RBKS: variants seen among roughly 807,000 people sequenced by gnomAD.
RBKS encodes ribokinase.
Under a neutral mutation model 33.9 loss-of-function variants are expected in RBKS, and 33 were observed. That is an observed-to-expected ratio of 0.97 (90% CI 0.74 to 1.30). The LOEUF is 1.30. Among genes scored for constraint, RBKS ranks in the 50% most tolerant of loss-of-function variants. The pLI, the probability that RBKS is intolerant of heterozygous loss-of-function variation, is 0.00. For synonymous variants in RBKS, 125 were observed against 143.0 expected, an observed-to-expected ratio of 0.87 and a Z score of 0.90; for missense variants, 361 against 392.6, an observed-to-expected ratio of 0.92 and a Z score of 0.68.
At chr2:27,802,882 T>C (rs1232353848) in intron 7 of RBKS, among the ~76,000 whole-genome samples, 2 of 152,202 alleles carry the variant, frequency 1.3e-5, no homozygotes, top group South Asian at 2.1e-4. Context: ...TTCTCCCCTA[T>C]GCAGACAGGA....
intron 5 of RBKS, among the ~76,000 whole-genome samples, chr2:27,833,787 C>T (rs1573053893): frequency 6.6e-6 from 1 of 152,170 alleles, no homozygotes; most frequent in Non-Finnish European, 1.5e-5. Flanking sequence ...TTAGAAATTA[C>T]ATTCATAGGA....
At chr2:27,887,113 C>G (rs1664549180) in intron 1 of RBKS, among the ~76,000 whole-genome samples, 1 of 152,168 alleles carries the variant, frequency 6.6e-6, no homozygotes, top group Admixed American at 6.5e-5. Flanking sequence ...TCTGAATTAT[C>G]TGGTTGTGCC....
chr2:27,878,055 A>C (rs1664348689), intron 1 of RBKS, among the ~76,000 whole-genome samples: 1 of 151,214 alleles, frequency 6.6e-6, no homozygotes, highest in South Asian at 2.1e-4. Flanking sequence ...TTATACTTTA[A>C]GTTTTACGGT....
intron 1 of RBKS, among the ~76,000 whole-genome samples, chr2:27,863,150 C>T (rs1257688374): frequency 6.6e-5 from 10 of 152,108 alleles, no homozygotes; most frequent in Non-Finnish European, 1.5e-4. Context: ...AGGGAGAAAA[C>T]CTGAACAGAG....
intron 7 of RBKS, among the ~76,000 whole-genome samples, chr2:27,803,508 G>A (rs952277777): frequency 5.3e-5 from 8 of 151,424 alleles, no homozygotes; most frequent in African/African-American, 1.9e-4. Context: ...TGGGCAACAT[G>A]GTGAGACCCT....
intron 5 of RBKS, among the ~76,000 whole-genome samples, chr2:27,840,364 G>GCGCA (rs1320789845): frequency 4.1e-4 from 54 of 130,152 alleles, no homozygotes; most frequent in Admixed American, 9.8e-4. Context: ...ACGCGCGCGC[G>GCGCA]CACACACACA....
intron 2 of RBKS, among the ~76,000 whole-genome samples, chr2:27,849,470 G>A (rs1663689663): frequency 7.7e-6 from 1 of 129,414 alleles, no homozygotes; most frequent in Non-Finnish European, 1.5e-5. Context: ...GGCTGAGGTA[G>A]AACTGCTTAA....
chr2:27,878,480 G>A (rs1187229685), intron 1 of RBKS, among the ~76,000 whole-genome samples: 7 of 152,066 alleles, frequency 4.6e-5, no homozygotes, highest in South Asian at 4.1e-4. Context: ...GAATAGTACC[G>A]CAATAAACAT....
At chr2:27,846,833 T>C (rs1056952085) in intron 4 of RBKS, among the ~76,000 whole-genome samples, 4 of 152,156 alleles carry the variant, frequency 2.6e-5, no homozygotes, top group Non-Finnish European at 5.9e-5. Flanking sequence ...ATTTTGAAAA[T>C]TGTCCAAAAA....
chr2:27,794,202 C>T (rs1677592653), intron 7 of RBKS, among the ~76,000 whole-genome samples: 1 of 151,298 alleles, frequency 6.6e-6, no homozygotes, highest in Admixed American at 6.6e-5. Flanking sequence ...GAGGCCGAGG[C>T]AGGAGAATCG....
intron 1 of RBKS, among the ~76,000 whole-genome samples, chr2:27,865,092 G>T (rs571435386): frequency 6.6e-6 from 1 of 152,262 alleles, no homozygotes; most frequent in East Asian, 1.9e-4. Context: ...AGGCTGAGGT[G>T]GGCAGATCAC....
intron 7 of RBKS, among the ~76,000 whole-genome samples, chr2:27,789,519 C>T (rs1364886293): frequency 6.6e-6 from 1 of 151,796 alleles, no homozygotes; most frequent in African/African-American, 2.4e-5. Context: ...CCACTTCAGC[C>T]TCCCAAGTAG....
At chr2:27,876,540 CT>C (rs1486692143) in intron 1 of RBKS, among the ~76,000 whole-genome samples, 1 of 152,094 alleles carries the variant, frequency 6.6e-6, no homozygotes. Context: ...GGACGTTATG[CT>C]AAGTGAAATA....
chr2:27,852,663 TA>T (rs1663773893), intron 2 of RBKS, among the ~76,000 whole-genome samples: 1 of 152,080 alleles, frequency 6.6e-6, no homozygotes, highest in Non-Finnish European at 1.5e-5. Context: ...ACATTTGGGG[TA>T]AATAAAACAC....
At chr2:27,863,941 AT>A (rs1664039137) in intron 1 of RBKS, among the ~76,000 whole-genome samples, 1 of 152,168 alleles carries the variant, frequency 6.6e-6, no homozygotes, top group South Asian at 2.1e-4. Flanking sequence ...CTAACCCTTC[AT>A]TTGCAGACGT....
intron 6 of RBKS, among the ~76,000 whole-genome samples, chr2:27,829,453 G>A (rs1056076997): frequency 2.2e-5 from 3 of 136,866 alleles, no homozygotes; most frequent in Admixed American, 8.0e-5. Flanking sequence ...ACTGCAACCT[G>A]TGCCTCCCAG....
chr2:27,806,384 A>G (rs1163362232), intron 7 of RBKS, among the ~76,000 whole-genome samples: 1 of 152,230 alleles, frequency 6.6e-6, no homozygotes, highest in Non-Finnish European at 1.5e-5. Flanking sequence ...TTTCCCTGAC[A>G]TAATGTTCAG....
At chr2:27,878,011 GTTTA>G (rs1003381822) in intron 1 of RBKS, among the ~76,000 whole-genome samples, 1 of 124,146 alleles carries the variant, frequency 8.1e-6, no homozygotes, top group African/African-American at 2.7e-5. Context: ...CCTTTAATCA[GTTTA>G]TTTTTATTTT....
chr2:27,801,307 T>C (rs1677775464), intron 7 of RBKS, among the ~76,000 whole-genome samples: 1 of 151,782 alleles, frequency 6.6e-6, no homozygotes, highest in South Asian at 2.1e-4. Context: ...CCACTCAGAG[T>C]GAACAGAAGG....
Sources: gnomAD v4.1 joint callset for allele counts (sites outside exome capture counted in the v4.1 genomes callset) on GRCh38, gnomAD v4.1.1 for gene constraint, MANE v1.5 for transcripts, NCBI Gene and HGNC (gene_info 2026-07-23, HGNC 2026-07-21) for gene names.